Variants in ELAVL2 observed in about 807,000 individuals in gnomAD.
The protein encoded by ELAVL2 is ELAV like RNA binding protein 2.
ELAVL2 carries 4 observed loss-of-function variants against 34.6 expected under a neutral mutation model. That is an observed-to-expected ratio of 0.12 (90% CI 0.06 to 0.26). The LOEUF (loss-of-function observed/expected upper bound fraction) is 0.26, where lower values mean the gene tolerates loss of function less well. ELAVL2 is among the 10% of genes least tolerant of loss of function. The probability of loss-of-function intolerance (pLI) is 1.00; values close to 1 mark genes in which losing one functional copy is unlikely to be tolerated. For missense variants in ELAVL2, 432 were observed against 442.8 expected (o/e 0.98, Z 0.22); for synonymous variants, 193 against 154.8 (o/e 1.25, Z -1.83).
chr9:23,720,918 T>A (rs570385144), intron 3 of ELAVL2, among the ~76,000 whole-genome samples: 1 of 152,152 alleles, frequency 6.6e-6, no homozygotes, highest in African/African-American at 2.4e-5. Context: ...GGTTGGGGTG[T>A]AGAAATCTGC....
chr9:23,715,812 T>G (rs1297719797), intron 3 of ELAVL2, among the ~76,000 whole-genome samples: 1 of 152,176 alleles, frequency 6.6e-6, no homozygotes, highest in Non-Finnish European at 1.5e-5. Flanking sequence ...AAAGAAGGAC[T>G]ACACACTGGC....
chr9:23,789,714 G>C (rs1019330819), intron 1 of ELAVL2, among the ~76,000 whole-genome samples: 2 of 152,078 alleles, frequency 1.3e-5, no homozygotes, highest in Non-Finnish European at 2.9e-5. Context: ...ATAATGTATC[G>C]TATTATACAA....
At chr9:23,695,244 T>G (rs2034731506) in intron 5 of ELAVL2, among the ~76,000 whole-genome samples, 1 of 152,192 alleles carries the variant, frequency 6.6e-6, no homozygotes, top group Non-Finnish European at 1.5e-5. Context: ...ACAGAATGCA[T>G]TTGGCATATG....
chr9:23,709,121 AT>A (rs2040222967), intron 3 of ELAVL2, among the ~76,000 whole-genome samples: 2 of 152,094 alleles, frequency 1.3e-5, no homozygotes, highest in Non-Finnish European at 2.9e-5. Context: ...AGAAAGGGTA[AT>A]TGCCTTCTCC....
intron 1 of ELAVL2, chr9:23,765,223 T>A: frequency 1.3e-6 from 1 of 795,580 alleles, no homozygotes; most frequent in Non-Finnish European, 1.9e-6. Context: ...GTGGCTTAAT[T>A]GAAATTGAGG....
chr9:23,812,450 A>G (rs916305490), intron 1 of ELAVL2, among the ~76,000 whole-genome samples: 7 of 152,056 alleles, frequency 4.6e-5, no homozygotes, highest in African/African-American at 7.2e-5. Flanking sequence ...ATGACTCCCA[A>G]TCTTTAGGGG....
At chr9:23,836,669 G>T in the ELAVL2 span, among the ~76,000 whole-genome samples, 1 of 152,106 alleles carries the variant, frequency 6.6e-6, no homozygotes, top group African/African-American at 2.4e-5. Flanking sequence ...GCATGTGTGT[G>T]TGTGTGTTTG....
chr9:23,809,785 T>C (rs1056877317), intron 1 of ELAVL2, among the ~76,000 whole-genome samples: 3 of 152,142 alleles, frequency 2.0e-5, no homozygotes, highest in Non-Finnish European at 2.9e-5. Flanking sequence ...AAAAAGGTCA[T>C]TTTGAATCTG....
chr9:23,741,127 T>C (rs1280590454), intron 2 of ELAVL2, among the ~76,000 whole-genome samples: 2 of 152,040 alleles, frequency 1.3e-5, no homozygotes, highest in Middle Eastern at 3.2e-3. Flanking sequence ...CTTTAGTGTG[T>C]CAAAACAGAG....
chr9:23,814,409 A>G (rs1301710397), intron 1 of ELAVL2, among the ~76,000 whole-genome samples: 1 of 152,222 alleles, frequency 6.6e-6, no homozygotes. Flanking sequence ...AACAAGGGAC[A>G]GAGGGCAAGT....
At chr9:23,724,965 T>C (rs1342583691) in intron 3 of ELAVL2, among the ~76,000 whole-genome samples, 1 of 152,124 alleles carries the variant, frequency 6.6e-6, no homozygotes, top group Non-Finnish European at 1.5e-5. Flanking sequence ...AACTATTACT[T>C]CTAAATTTTC....
rs201863213 is a variant in ELAVL2 at position 23,762,076 on chromosome 9, C to T, written c.159G>A (p.Glu53=). The change falls in exon 2 of 7, where the codon GAG becomes GAA. Residue 53 remains glutamate (E), a synonymous_variant. Coordinates refer to ENST00000397312, the MANE Select transcript of ELAVL2 (RefSeq NM_004432.5). Reference sequence around the variant, plus strand: ...TGCTCCCAAAGAGACTCTTTAGTTCCTCCTGTGTCATGTTCTGAGGAAGGT... The same window carrying T: ...TGCTCCCAAAGAGACTCTTTAGTTCTTCCTGTGTCATGTTCTGAGGAAGGT... The part of the protein sequence containing the change: ...VNYLPQNMTQ[E]ELKSLFGSIG... 4.3e-6 allele frequency: 7 copies of T among 1,613,418 alleles called. No individual in the cohort carries two copies. In the East Asian group the frequency reaches 6.7e-5, roughly 15 times the overall value.
intron 3 of ELAVL2, among the ~76,000 whole-genome samples, chr9:23,720,323 G>A (rs561916129): frequency 1.3e-5 from 2 of 151,906 alleles, no homozygotes; most frequent in South Asian, 2.1e-4. Context: ...ACAGGCACCC[G>A]CCACCATGTT....
At chr9:23,795,847 A>G (rs1268755280) in intron 1 of ELAVL2, among the ~76,000 whole-genome samples, 1 of 152,206 alleles carries the variant, frequency 6.6e-6, no homozygotes, top group African/African-American at 2.4e-5. Flanking sequence ...CATTTCCAGG[A>G]AATAATTTCT....
intron 1 of ELAVL2, among the ~76,000 whole-genome samples, chr9:23,822,841 C>G (rs937458146): frequency 2.0e-5 from 3 of 152,078 alleles, no homozygotes; most frequent in Non-Finnish European, 4.4e-5. Context: ...ACCGAGGTTA[C>G]AGCTTCAAGG....
chr9:23,763,022 C>G (rs953902845), intron 1 of ELAVL2, among the ~76,000 whole-genome samples: 7 of 151,936 alleles, frequency 4.6e-5, no homozygotes, highest in African/African-American at 1.7e-4. Flanking sequence ...AAATAAAATC[C>G]CCAAACACTT....
At chr9:23,810,544 G>A (rs988374401) in intron 1 of ELAVL2, among the ~76,000 whole-genome samples, 1 of 152,080 alleles carries the variant, frequency 6.6e-6, no homozygotes, top group African/African-American at 2.4e-5. Flanking sequence ...ACACCCCTAA[G>A]AGAAGCAATA....
At chr9:23,840,003 T>C in the ELAVL2 span, among the ~76,000 whole-genome samples, 2 of 152,108 alleles carry the variant, frequency 1.3e-5, no homozygotes, top group South Asian at 2.1e-4. Context: ...TCAATCTGTA[T>C]ATTAAAAAGG....
At chr9:23,842,436 C>G in the ELAVL2 span, among the ~76,000 whole-genome samples, 1 of 152,090 alleles carries the variant, frequency 6.6e-6, no homozygotes, top group African/African-American at 2.4e-5. Context: ...TTGCAGAAAA[C>G]CAGCCTCCCT....
Sources: allele counts gnomAD v4.1 joint callset (sites outside exome capture counted in the v4.1 genomes callset), GRCh38; gene constraint gnomAD v4.1.1; transcripts MANE v1.5; gene names NCBI Gene and HGNC (gene_info 2026-07-23, HGNC 2026-07-21).